The following MAGI3 variants were observed in gnomAD, a reference collection of about 807,000 sequenced individuals.
The protein encoded by MAGI3 is membrane associated guanylate kinase, WW and PDZ domain containing 3, also known as membrane-associated guanylate kinase, WW and PDZ domain-containing protein 3.
Under a neutral mutation model 121.8 loss-of-function variants are expected in MAGI3, and 43 were observed. That is an observed-to-expected ratio of 0.35 (90% CI 0.28 to 0.46). The LOEUF is 0.46. Ranked by LOEUF, MAGI3 falls within the 20% of genes least tolerant of loss-of-function variation. The pLI is 1.00. For missense variants in MAGI3, 1,547 were observed against 1,797.3 expected, an observed-to-expected ratio of 0.86 and a Z score of 2.52; for synonymous variants, 553 against 639.3, an observed-to-expected ratio of 0.86 and a Z score of 2.04.
rs1557743991 is a variant in MAGI3, at chr1:113,416,159, T to TATTATTATGTAATTAATGACAC, written c.316+24813_316+24834dup. On this transcript the variant is annotated intron_variant, in intron 1 of 20. Transcript: ENST00000307546. ...TATTAATTATGTAATTAATGACACATATTATTATGTAATTAATGACACATA... is the reference window on the plus strand; with the variant it reads ...TATTAATTATGTAATTAATGACACATATTATTATGTAATTAATGACACATTATTATGTAATTAATGACACATA... Among the ~76,000 whole-genome samples, 25 of 101,506 alleles carry TATTATTATGTAATTAATGACAC rather than the reference T, an allele frequency of 2.5e-4. 3 individuals carry two copies. The highest frequency in any genetic ancestry group is 7.7e-4 in the African/African-American group (24 of 31,276). The allele number at this position is 101,506 out of a possible 152,430, so 66.6% of individuals were successfully genotyped here.
At chr1:113,503,416 C>A (rs1406214949) in intron 1 of MAGI3, among the ~76,000 whole-genome samples, 1 of 150,358 alleles carries the variant, frequency 6.7e-6, no homozygotes, top group African/African-American at 2.4e-5. Context: ...CAATCTTCAG[C>A]TTCATTAACT....
chr1:113,508,644 C>T (rs950528624), intron 1 of MAGI3, among the ~76,000 whole-genome samples: 8 of 152,142 alleles, frequency 5.3e-5, no homozygotes, highest in Admixed American at 1.3e-4. Flanking sequence ...ATATGCTTTC[C>T]CCTCCATCGC....
intron 1 of MAGI3, among the ~76,000 whole-genome samples, chr1:113,540,783 A>G (rs1005861838): frequency 6.6e-6 from 1 of 152,248 alleles, no homozygotes; most frequent in African/African-American, 2.4e-5. Context: ...TTGTAAATAC[A>G]TCATACACAG....
intron 1 of MAGI3, among the ~76,000 whole-genome samples, chr1:113,548,114 T>A (rs1162019657): frequency 6.6e-6 from 1 of 152,232 alleles, no homozygotes; most frequent in Non-Finnish European, 1.5e-5. Context: ...GTTAAAAAAA[T>A]TAGCTGATCA....
chr1:113,630,076 C>T (rs186977620), intron 9 of MAGI3, among the ~76,000 whole-genome samples: 13 of 152,216 alleles, frequency 8.5e-5, no homozygotes, highest in Admixed American at 3.3e-4. Flanking sequence ...TCAGAGATAT[C>T]GTCTGGGAGC....
intron 1 of MAGI3, among the ~76,000 whole-genome samples, chr1:113,456,117 A>ATTTTTTTTTTT (rs35038942): frequency 1.1e-3 from 122 of 113,208 alleles, no homozygotes; most frequent in Middle Eastern, 5.1e-3. Flanking sequence ...CGCCCGGCTA[A>ATTTTTTTTTTT]TTTTTTTTTT....
chr1:113,562,946 G>C (rs1660298749), intron 2 of MAGI3, among the ~76,000 whole-genome samples: 1 of 152,142 alleles, frequency 6.6e-6, no homozygotes, highest in Non-Finnish European at 1.5e-5. Flanking sequence ...AGAAAATAGT[G>C]GAGGGAACAT....
At chr1:113,464,412 A>G (rs1655176357) in intron 1 of MAGI3, among the ~76,000 whole-genome samples, 1 of 152,118 alleles carries the variant, frequency 6.6e-6, no homozygotes, top group Non-Finnish European at 1.5e-5. Flanking sequence ...ATGAGCACTT[A>G]GGTTGATTTA....
At chr1:113,481,071 T>C (rs1435278357) in intron 1 of MAGI3, among the ~76,000 whole-genome samples, 1 of 152,242 alleles carries the variant, frequency 6.6e-6, no homozygotes, top group East Asian at 1.9e-4. Flanking sequence ...ATATTACTTA[T>C]ACTATGCATC....
chr1:113,417,018 T>C (rs1652485247), intron 1 of MAGI3, among the ~76,000 whole-genome samples: 1 of 152,094 alleles, frequency 6.6e-6, no homozygotes, highest in Admixed American at 6.6e-5. Flanking sequence ...AATTAGTAAT[T>C]GATTTTTTAA....
intron 1 of MAGI3, among the ~76,000 whole-genome samples, chr1:113,404,755 C>G (rs1171013705): frequency 6.6e-6 from 1 of 151,992 alleles, no homozygotes; most frequent in Non-Finnish European, 1.5e-5. Context: ...TGAGAAAAAC[C>G]TAATGCATGA....
At chr1:113,610,629 C>T (rs1650064286) in intron 6 of MAGI3, among the ~76,000 whole-genome samples, 1 of 152,128 alleles carries the variant, frequency 6.6e-6, no homozygotes, top group African/African-American at 2.4e-5. Flanking sequence ...TTGTCATCCT[C>T]GCCTTTCCCT....
At chr1:113,412,694 T>G (rs1350531457) in intron 1 of MAGI3, among the ~76,000 whole-genome samples, 3 of 152,012 alleles carry the variant, frequency 2.0e-5, no homozygotes. Context: ...TCTGTTCATA[T>G]CCTCTGCCCG....
At chr1:113,405,717 C>CAGA (rs1651648167) in intron 1 of MAGI3, among the ~76,000 whole-genome samples, 1 of 152,024 alleles carries the variant, frequency 6.6e-6, no homozygotes, top group African/African-American at 2.4e-5. Flanking sequence ...GTCTGTGGCT[C>CAGA]ACAACCTCAA....
chr1:113,419,044 T>G (rs1314437747), intron 1 of MAGI3, among the ~76,000 whole-genome samples: 1 of 152,216 alleles, frequency 6.6e-6, no homozygotes, highest in Non-Finnish European at 1.5e-5. Flanking sequence ...AACATTTGGC[T>G]TAACTAATGC....
chr1:113,435,133 C>T (rs1462981116), intron 1 of MAGI3, among the ~76,000 whole-genome samples: 8 of 152,112 alleles, frequency 5.3e-5, no homozygotes, highest in East Asian at 1.9e-4. Context: ...GTATGTCTTA[C>T]GTATTTTAAG....
At chr1:113,440,067 C>T (rs895730709) in intron 1 of MAGI3, among the ~76,000 whole-genome samples, 7 of 152,220 alleles carry the variant, frequency 4.6e-5, no homozygotes, top group East Asian at 3.9e-4. Flanking sequence ...GTGTCTTAAT[C>T]GCTATAAATC....
chr1:113,681,167 C>G, intron 19 of MAGI3, 31 bp from the exon 20 acceptor site: 1 of 1,604,618 alleles, frequency 6.2e-7, no homozygotes, highest in East Asian at 2.2e-5. Flanking sequence ...TGCATAGTTT[C>G]ATGTTGTTCC....
intron 2 of MAGI3, among the ~76,000 whole-genome samples, chr1:113,552,199 C>T (rs1230541802): frequency 1.3e-5 from 2 of 151,890 alleles, no homozygotes; most frequent in African/African-American, 4.8e-5. Flanking sequence ...ACCACCAATC[C>T]TTATGTTGTT....
Sources: allele counts gnomAD v4.1 joint callset (sites outside exome capture counted in the v4.1 genomes callset), GRCh38; gene constraint gnomAD v4.1.1; transcripts MANE v1.5; gene names NCBI Gene and HGNC (gene_info 2026-07-23, HGNC 2026-07-21).